The following FMR1 variants were observed in gnomAD, a reference collection of about 807,000 sequenced individuals.
The protein encoded by FMR1 is fragile X messenger ribonucleoprotein 1, also known as FMRP translational regulator 1.
A neutral mutation model predicts 50.6 loss-of-function variants in FMR1; 13 were observed. The observed-to-expected ratio is 0.26, with a 90% CI of 0.17 to 0.41. The LOEUF is 0.41. Ranked by LOEUF, FMR1 falls within the 10% of genes least tolerant of loss-of-function variation. The pLI is 1.00. For synonymous variants in FMR1, 138 were observed against 164.1 expected, an observed-to-expected ratio of 0.84 and a Z score of 1.22; for missense variants, 316 against 491.3, an observed-to-expected ratio of 0.64 and a Z score of 3.37.
At chrX:147,934,283 G>C (rs2043712097) in intron 9 of FMR1, among the ~76,000 whole-genome samples, 1 of 110,286 alleles carries the variant, frequency 9.1e-6, no homozygotes, top group Non-Finnish European at 1.9e-5. Flanking sequence ...TGGCATGATG[G>C]TAGTGGGGAA....
intron 1 of FMR1, chrX:147,912,906 G>C (rs1179145012): frequency 3.5e-6 from 1 of 287,721 alleles, no homozygotes; most frequent in East Asian, 4.9e-5. Context: ...GCCCAGCAGT[G>C]CATTGAAGAA....
chrX:147,945,262 G>A (rs1376860348), intron 15 of FMR1, among the ~76,000 whole-genome samples: 1 of 112,031 alleles, frequency 8.9e-6, no homozygotes, highest in Non-Finnish European at 1.9e-5. Flanking sequence ...ATGAATAAAT[G>A]CTGATAACTA....
At chrX:147,932,647 G>A in intron 8 of FMR1, 38 bp from the exon 9 acceptor site, 1 of 1,194,640 alleles carries the variant, frequency 8.4e-7, no homozygotes, top group South Asian at 1.8e-5. Flanking sequence ...ATTTCAGCTG[G>A]CTAATCTTTT....
rs570020094 is a variant in FMR1 at position 147,921,096 on chromosome X, C to A, written c.52-837C>A. ...ATTTGAGTAAGAAGCTTAAATCTCC[C>A]CAAGCCCTTTTAAAATAAATTAAGA... On this transcript the variant is annotated intron_variant, in intron 1 of 16. Transcript: ENST00000370475. Among the ~76,000 whole-genome samples the A allele has an allele frequency of 2.1e-4, 24 of 111,728 alleles. No individual in the cohort carries two copies. In the South Asian group the frequency reaches 7.1e-3, roughly 33 times the overall value.
intron 1 of FMR1, among the ~76,000 whole-genome samples, chrX:147,918,920 G>C (rs1267137180): frequency 9.0e-6 from 1 of 110,883 alleles, no homozygotes; most frequent in Non-Finnish European, 1.9e-5. Context: ...ATGACCCGTG[G>C]CTACTATGGT....
chrX:147,941,828 T>G (rs1303318772), intron 13 of FMR1, among the ~76,000 whole-genome samples: 4 of 112,591 alleles, frequency 3.6e-5, no homozygotes, highest in African/African-American at 1.3e-4. Context: ...TTTGATTTAT[T>G]CTCAAGAATA....
intron 9 of FMR1, chrX:147,933,340 A>T (rs1299101758): frequency 1.9e-6 from 1 of 537,594 alleles, no homozygotes; most frequent in African/African-American, 2.5e-5. Context: ...TTTGAAATAG[A>T]TTTGTATTTG....
At chrX:147,929,434 G>C (rs781850547) in intron 5 of FMR1, among the ~76,000 whole-genome samples, 1 of 110,568 alleles carries the variant, frequency 9.0e-6, no homozygotes, top group Non-Finnish European at 1.9e-5. Context: ...TGTGCCTTCT[G>C]GTTCATGTAC....
chrX:147,912,431 C>A (rs1227899399), intron 1 of FMR1, among the ~76,000 whole-genome samples: 1 of 111,310 alleles, frequency 9.0e-6, no homozygotes, highest in East Asian at 2.9e-4. Flanking sequence ...GAGGCCCTAG[C>A]GCCTATCGAA....
intron 1 of FMR1, among the ~76,000 whole-genome samples, chrX:147,917,660 A>C (rs1283998164): frequency 1.8e-5 from 2 of 112,025 alleles, no homozygotes; most frequent in African/African-American, 6.5e-5. Flanking sequence ...TCCAAATGCA[A>C]AAACATTTAT....
chrX:147,917,765 T>C (rs1353458536), intron 1 of FMR1, among the ~76,000 whole-genome samples: 1 of 111,630 alleles, frequency 9.0e-6, no homozygotes, highest in Non-Finnish European at 1.9e-5. Context: ...ACAGCAGTCT[T>C]AGGAGGCTGG....
chrX:147,924,703 A>G (rs2043326582), intron 2 of FMR1, among the ~76,000 whole-genome samples: 1 of 103,771 alleles, frequency 9.6e-6, no homozygotes, highest in South Asian at 4.5e-4. Flanking sequence ...AATTTGTTGT[A>G]AAGATCAGGT....
chrX:147,933,579 C>T, intron 9 of FMR1: 1 of 882,121 alleles, frequency 1.1e-6, no homozygotes, highest in Non-Finnish European at 1.4e-6. Flanking sequence ...TTCACCAATA[C>T]TCCTAAATGC....
At chrX:147,945,327 G>A (rs968677861) in intron 15 of FMR1, among the ~76,000 whole-genome samples, 2 of 112,299 alleles carry the variant, frequency 1.8e-5, no homozygotes, top group Admixed American at 1.9e-4. Flanking sequence ...ACATTGACCT[G>A]TAGATGCAGA....
At chrX:147,920,634 C>G (rs1280374307) in intron 1 of FMR1, among the ~76,000 whole-genome samples, 1 of 111,820 alleles carries the variant, frequency 8.9e-6, no homozygotes. Flanking sequence ...TGAAGTAAAA[C>G]CTGACACCAC....
chrX:147,926,355 T>C (rs1460896489), intron 3 of FMR1, among the ~76,000 whole-genome samples: 1 of 112,042 alleles, frequency 8.9e-6, no homozygotes, highest in East Asian at 2.8e-4. Flanking sequence ...TCTACAATAA[T>C]AAGCATAATG....
Position 147,945,542 on chromosome X carries a change from G to A in FMR1, c.1663G>A (p.Asp555Asn), listed in dbSNP as rs782156891. Residue 555 changes from aspartate to asparagine, a missense_variant, in exon 16 of 17, where the codon GAT becomes AAT. By Grantham distance (23) the Asp-to-Asn change is conservative. This residue lies in a region of FMR1 where 124 missense variants were observed against 160.8 expected (regional missense o/e 0.77). Coordinates refer to ENST00000370475, the MANE Select transcript of FMR1 (RefSeq NM_002024.6). ...TGAAAATATTCTCATAGGAAACGACGATCACTCCCGAACAGATAATCGTCC... is the reference window on the plus strand; with the variant it reads ...TGAAAATATTCTCATAGGAAACGACAATCACTCCCGAACAGATAATCGTCC... ...GRGGGFKGND[D>N]HSRTDNRPRN... 46 of 1,204,350 alleles carry A rather than the reference G, an allele frequency of 3.8e-5. No homozygotes were observed. The highest frequency in any genetic ancestry group is 4.9e-5 in the Non-Finnish European group (44 of 889,791).
chrX:147,919,898 T>C (rs1302385106), intron 1 of FMR1, among the ~76,000 whole-genome samples: 2 of 112,557 alleles, frequency 1.8e-5, no homozygotes, highest in Non-Finnish European at 3.8e-5. Context: ...AAAATAATCT[T>C]TTTATATCAT....
At chrX:147,929,732 T>G (rs1181197790) in intron 5 of FMR1, among the ~76,000 whole-genome samples, 2 of 111,606 alleles carry the variant, frequency 1.8e-5, no homozygotes, top group African/African-American at 6.5e-5. Context: ...AAACCTGTAG[T>G]GTAGAGTGGT....
Sources: gnomAD v4.1 joint callset for allele counts (sites outside exome capture counted in the v4.1 genomes callset) on GRCh38, gnomAD v4.1.1 for gene constraint, gnomAD v4.1.1 regional missense constraint, MANE v1.5 for transcripts, NCBI Gene and HGNC (gene_info 2026-07-23, HGNC 2026-07-21) for gene names.